The following SUCLG2 variants were observed in gnomAD, a reference collection of about 807,000 sequenced individuals.
The protein encoded by SUCLG2 is succinate-CoA ligase GDP-forming subunit beta, also known as succinate--CoA ligase [GDP-forming] subunit beta, mitochondrial.
Under a neutral mutation model 47.9 loss-of-function variants are expected in SUCLG2, and 42 were observed. The observed-to-expected ratio is 0.88, with a 90% CI of 0.69 to 1.14. SUCLG2 has a LOEUF of 1.14. Among genes scored for constraint, SUCLG2 ranks in the 50% most tolerant of loss-of-function variants. The probability of loss-of-function intolerance (pLI) is 0.00; values close to 1 mark genes in which losing one functional copy is unlikely to be tolerated. For missense variants in SUCLG2, 571 were observed against 525.9 expected (o/e 1.09, Z -0.84); for synonymous variants, 195 against 197.3 (o/e 0.99, Z 0.10).
At chr3:67,458,067 G>A (rs1359299797) in intron 9 of SUCLG2, among the ~76,000 whole-genome samples, 2 of 152,074 alleles carry the variant, frequency 1.3e-5, no homozygotes, top group African/African-American at 2.4e-5. Flanking sequence ...GGGGCCCTTT[G>A]GAGATATCAC....
intron 2 of SUCLG2, among the ~76,000 whole-genome samples, chr3:67,537,906 T>C (rs555358233): frequency 6.6e-6 from 1 of 152,352 alleles, no homozygotes; most frequent in Admixed American, 6.5e-5. Context: ...ACCCACTTTT[T>C]GATGGGTTTG....
chr3:67,575,907 C>G (rs185239047), intron 2 of SUCLG2, among the ~76,000 whole-genome samples: 1 of 152,244 alleles, frequency 6.6e-6, no homozygotes, highest in African/African-American at 2.4e-5. Context: ...ATTCTAGGGG[C>G]AGCTGTTCTC....
chr3:67,628,875 G>C (rs1700880135), intron 1 of SUCLG2, among the ~76,000 whole-genome samples: 1 of 152,134 alleles, frequency 6.6e-6, no homozygotes, highest in Admixed American at 6.5e-5. Flanking sequence ...AGCAAGTTGG[G>C]AATTATATAT....
intron 9 of SUCLG2, among the ~76,000 whole-genome samples, chr3:67,434,053 G>T (rs531130296): frequency 1.1e-4 from 16 of 152,282 alleles, no homozygotes; most frequent in African/African-American, 3.8e-4. Context: ...GAAGAAGCAG[G>T]TCTCGTAAGT....
intron 10 of SUCLG2, among the ~76,000 whole-genome samples, chr3:67,360,974 A>G (rs1701795779): frequency 6.6e-6 from 1 of 152,224 alleles, no homozygotes; most frequent in South Asian, 2.1e-4. Flanking sequence ...AAACAACGTC[A>G]TCGTCTTCTT....
intron 9 of SUCLG2, among the ~76,000 whole-genome samples, chr3:67,410,225 G>A (rs1203121266): frequency 2.6e-5 from 4 of 152,140 alleles, no homozygotes; most frequent in African/African-American, 7.2e-5. Context: ...CATTATTTAG[G>A]TCAAAGTTAT....
At chr3:67,648,062 T>G (rs181717136) in intron 1 of SUCLG2, among the ~76,000 whole-genome samples, 1 of 152,322 alleles carries the variant, frequency 6.6e-6, no homozygotes. Context: ...GGGCCCACCA[T>G]CGGGTCATAT....
intron 1 of SUCLG2, among the ~76,000 whole-genome samples, chr3:67,611,557 G>A (rs1336540478): frequency 2.6e-5 from 4 of 152,166 alleles, no homozygotes; most frequent in African/African-American, 9.7e-5. Flanking sequence ...TTAAACATTA[G>A]CTGTGTGCTA....
intron 9 of SUCLG2, among the ~76,000 whole-genome samples, chr3:67,405,954 G>C (rs958007551): frequency 2.0e-5 from 3 of 152,102 alleles, no homozygotes; most frequent in Non-Finnish European, 4.4e-5. Flanking sequence ...GGGAGAATCA[G>C]GGGTTACAGC....
intron 1 of SUCLG2, among the ~76,000 whole-genome samples, chr3:67,618,593 T>C (rs78875384): frequency 0.041 from 6,180 of 152,084 alleles, 143 homozygotes; most frequent in Middle Eastern, 0.068. Context: ...TCCCCCTGCC[T>C]AAAAAAAACC....
chr3:67,391,956 T>C (rs17046404), intron 10 of SUCLG2, among the ~76,000 whole-genome samples: 46,188 of 152,064 alleles, frequency 0.3, 7,792 homozygotes, highest in African/African-American at 0.45. Flanking sequence ...ACAGCCTGTC[T>C]GAGGTCGTTC....
In SUCLG2 at chr3:67,451,371, T is replaced by C. The variant is rs1016873579; in HGVS notation, c.1062+44427A>G. On this transcript the variant is annotated intron_variant, in intron 9 of 10. Coordinates refer to ENST00000307227, the MANE Select transcript of SUCLG2 (RefSeq NM_003848.4). ...TACATTTGATAAACTAACTGAAATATTAGGTCTTCGTTTTCGTAAGTAAGT... is the reference window on the plus strand; with the variant it reads ...TACATTTGATAAACTAACTGAAATACTAGGTCTTCGTTTTCGTAAGTAAGT... Among the ~76,000 whole-genome samples, 10 of 152,228 alleles carry C rather than the reference T, an allele frequency of 6.6e-5. No individual in the cohort carries two copies. In the South Asian group the frequency reaches 1.7e-3, roughly 25 times the overall value.
chr3:67,398,279 A>G (rs1702596612), intron 10 of SUCLG2, among the ~76,000 whole-genome samples: 1 of 150,772 alleles, frequency 6.6e-6, no homozygotes, highest in Non-Finnish European at 1.5e-5. Flanking sequence ...CATCTGACAA[A>G]GGGCTAATAT....
At chr3:67,362,603 G>A (rs894287183) in intron 10 of SUCLG2, among the ~76,000 whole-genome samples, 3 of 152,096 alleles carry the variant, frequency 2.0e-5, no homozygotes, top group African/African-American at 4.8e-5. Flanking sequence ...TATCTGGGTC[G>A]CCACTGTATC....
At chr3:67,654,173 A>T (rs1701339407) in intron 1 of SUCLG2, among the ~76,000 whole-genome samples, 1 of 152,204 alleles carries the variant, frequency 6.6e-6, no homozygotes, top group East Asian at 1.9e-4. Flanking sequence ...CAGGGCTCCA[A>T]AACCCGGTCC....
At chr3:67,407,932 A>G (rs926610822) in intron 9 of SUCLG2, among the ~76,000 whole-genome samples, 1 of 152,184 alleles carries the variant, frequency 6.6e-6, no homozygotes, top group Non-Finnish European at 1.5e-5. Context: ...TAAATGGTGA[A>G]GGAAATGAGA....
intron 1 of SUCLG2, among the ~76,000 whole-genome samples, chr3:67,623,133 A>G (rs926508767): frequency 6.6e-6 from 1 of 151,352 alleles, no homozygotes; most frequent in African/African-American, 2.4e-5. Flanking sequence ...CCCCCCACCC[A>G]CTCAGGTGAG....
At chr3:67,633,056 C>T (rs900727096) in intron 1 of SUCLG2, among the ~76,000 whole-genome samples, 4 of 152,184 alleles carry the variant, frequency 2.6e-5, no homozygotes, top group African/African-American at 9.7e-5. Flanking sequence ...TCCAACGGTG[C>T]TTTTCACCAT....
At chr3:67,391,169 C>A (rs1294796793) in intron 10 of SUCLG2, among the ~76,000 whole-genome samples, 4 of 152,206 alleles carry the variant, frequency 2.6e-5, no homozygotes, top group Non-Finnish European at 4.4e-5. Context: ...TTCATTCTTA[C>A]AAATCTCTCT....
Sources: gnomAD v4.1 joint callset for allele counts (sites outside exome capture counted in the v4.1 genomes callset) on GRCh38, gnomAD v4.1.1 for gene constraint, MANE v1.5 for transcripts, NCBI Gene and HGNC (gene_info 2026-07-23, HGNC 2026-07-21) for gene names.